CA10: variants seen among roughly 807,000 people sequenced by gnomAD.
CA10 encodes the protein carbonic anhydrase 10 (inactive).
A neutral mutation model predicts 44.2 loss-of-function variants in CA10; 14 were observed. That is an observed-to-expected ratio of 0.32 (90% CI 0.21 to 0.50). The LOEUF (loss-of-function observed/expected upper bound fraction) is 0.50. Among genes scored for constraint, CA10 ranks in the 20% least tolerant of loss-of-function variants. The pLI, the probability that CA10 is intolerant of heterozygous loss-of-function variation, is 0.99. For synonymous variants in CA10, 159 were observed against 141.6 expected (o/e 1.12, Z -0.87); for missense variants, 350 against 409.7 (o/e 0.85, Z 1.26).
intron 3 of CA10, among the ~76,000 whole-genome samples, chr17:51,911,623 A>G (rs1230290936): frequency 6.6e-6 from 1 of 152,190 alleles, no homozygotes; most frequent in Admixed American, 6.6e-5. Flanking sequence ...ACAGAATAGT[A>G]ATGAGCTACA....
chr17:51,734,189 G>T (rs1414277192), intron 4 of CA10, among the ~76,000 whole-genome samples: 1 of 132,826 alleles, frequency 7.5e-6, no homozygotes, highest in African/African-American at 2.8e-5. Context: ...GGGGGGGGGG[G>T]GTTCCAATGT....
At chr17:51,718,478 G>C (rs1916247349) in intron 4 of CA10, among the ~76,000 whole-genome samples, 1 of 152,150 alleles carries the variant, frequency 6.6e-6, no homozygotes, top group Non-Finnish European at 1.5e-5. Flanking sequence ...TGGGCTTGGA[G>C]AGGGCACAGA....
chr17:51,754,449 C>A (rs1243118584), intron 3 of CA10, among the ~76,000 whole-genome samples: 9 of 85,974 alleles, frequency 1.0e-4, no homozygotes, highest in African/African-American at 2.7e-4. Flanking sequence ...ATATATATAT[C>A]ACGTAAAATA....
chr17:51,683,950 G>A (rs1222107556), intron 4 of CA10, among the ~76,000 whole-genome samples: 1 of 152,190 alleles, frequency 6.6e-6, no homozygotes. Flanking sequence ...CCTGCGGCAG[G>A]CTGAATAAAT....
At chr17:52,112,100 G>A (rs1410638463) in intron 1 of CA10, among the ~76,000 whole-genome samples, 3 of 151,902 alleles carry the variant, frequency 2.0e-5, no homozygotes, top group African/African-American at 7.3e-5. Context: ...GAAGATTCAT[G>A]TGTGTAAAAC....
chr17:52,086,553 G>C (rs1213509517), intron 1 of CA10, among the ~76,000 whole-genome samples: 1 of 152,164 alleles, frequency 6.6e-6, no homozygotes, highest in Non-Finnish European at 1.5e-5. Flanking sequence ...TGTAAAAGGA[G>C]GCTAGGGAAA....
At chr17:51,928,092 C>T (rs203082) in intron 3 of CA10, among the ~76,000 whole-genome samples, 102,768 of 152,022 alleles carry the variant, frequency 0.68, 35,085 homozygotes, top group Non-Finnish European at 0.71. Context: ...TCAAATTTTA[C>T]TAATTTTGGA....
At chr17:51,893,768 AT>A (rs1980958191) in intron 3 of CA10, among the ~76,000 whole-genome samples, 3 of 152,196 alleles carry the variant, frequency 2.0e-5, no homozygotes, top group Non-Finnish European at 2.9e-5. Context: ...CAAACAAGCA[AT>A]TGACCCAGTA....
chr17:51,704,079 A>G (rs763219219), intron 4 of CA10, among the ~76,000 whole-genome samples: 2 of 152,208 alleles, frequency 1.3e-5, no homozygotes, highest in African/African-American at 4.8e-5. Context: ...CTTGTGGATT[A>G]TAAAACAGTA....
chr17:51,718,330 C>T (rs866569955), intron 4 of CA10, among the ~76,000 whole-genome samples: 2 of 152,172 alleles, frequency 1.3e-5, no homozygotes, highest in East Asian at 3.9e-4. Flanking sequence ...TCAGCTCCAC[C>T]TCAACCTCCA....
chr17:51,796,580 A>T lies in CA10; in HGVS notation c.280-48762T>A, dbSNP rs568551060. ...TAGGTAATTTGAGTAAAACTCATGA[A>T]TCCTAGAGCACTTTAACTTTGGGTT... On this transcript the variant is annotated intron_variant, in intron 3 of 8. Coordinates refer to ENST00000451037, the MANE Select transcript of CA10 (RefSeq NM_020178.5). Among the ~76,000 whole-genome samples the T allele has an allele frequency of 1.6e-4, 25 of 152,324 alleles. No homozygotes were observed. The East Asian group carries it at 3.3e-3, about 20-fold the overall frequency.
intron 2 of CA10, among the ~76,000 whole-genome samples, chr17:52,007,847 G>A (rs1463060597): frequency 1.3e-5 from 2 of 151,316 alleles, no homozygotes; most frequent in Non-Finnish European, 3.0e-5. Flanking sequence ...TATACCTATA[G>A]TTTTCTAAGA....
At chr17:51,965,401 T>A (rs1984044345) in intron 2 of CA10, among the ~76,000 whole-genome samples, 1 of 151,592 alleles carries the variant, frequency 6.6e-6, no homozygotes, top group African/African-American at 2.4e-5. Context: ...AGCCTAATAC[T>A]AAAACCTGGT....
At chr17:51,843,495 C>A (rs990391775) in intron 3 of CA10, among the ~76,000 whole-genome samples, 3 of 152,138 alleles carry the variant, frequency 2.0e-5, no homozygotes, top group African/African-American at 7.2e-5. Flanking sequence ...ATGGAATCAT[C>A]CAGTTGCTGG....
intron 1 of CA10, chr17:52,134,813 C>A: frequency 1.9e-6 from 1 of 514,984 alleles, no homozygotes; most frequent in Non-Finnish European, 3.9e-6. Flanking sequence ...TGCCCTGGCA[C>A]CATGGATGTC....
chr17:52,159,906 G>C (rs547583350), upstream of CA10: 2 of 152,292 alleles, frequency 1.3e-5, no homozygotes, highest in South Asian at 4.2e-4. Context: ...GTGGTGGTTT[G>C]CGAAAGCTCA....
At chr17:51,912,595 C>T (rs1304696071) in intron 3 of CA10, among the ~76,000 whole-genome samples, 1 of 152,196 alleles carries the variant, frequency 6.6e-6, no homozygotes, top group African/African-American at 2.4e-5. Context: ...CGTCCTAAGC[C>T]TTAAATTTGC....
intron 4 of CA10, among the ~76,000 whole-genome samples, chr17:51,666,054 G>A (rs757825157): frequency 5.9e-5 from 9 of 152,190 alleles, no homozygotes; most frequent in African/African-American, 1.7e-4. Flanking sequence ...TCATTTGATC[G>A]TGCTTAGGTC....
chr17:51,830,722 C>T (rs752911793), intron 3 of CA10, among the ~76,000 whole-genome samples: 19 of 151,986 alleles, frequency 1.3e-4, no homozygotes, highest in Non-Finnish European at 2.2e-4. Flanking sequence ...GAGAGAGACA[C>T]GAAACAGAAT....
Sources: gnomAD v4.1 joint callset for allele counts (sites outside exome capture counted in the v4.1 genomes callset) on GRCh38, gnomAD v4.1.1 for gene constraint, MANE v1.5 for transcripts, NCBI Gene and HGNC (gene_info 2026-07-23, HGNC 2026-07-21) for gene names.